The following NFASC variants were observed in gnomAD, a reference collection of about 807,000 sequenced individuals.
NFASC encodes neurofascin.
NFASC carries 43 observed loss-of-function variants against 147.5 expected under a neutral mutation model. The ratio of observed to expected loss-of-function variants is 0.29; its 90% confidence interval spans 0.23 to 0.38. The LOEUF (loss-of-function observed/expected upper bound fraction) is 0.38, where lower values mean the gene tolerates loss of function less well. Among genes scored for constraint, NFASC ranks in the 10% least tolerant of loss-of-function variants. NFASC has a pLI of 1.00. For missense variants in NFASC, 1,320 were observed against 1,689.0 expected, an observed-to-expected ratio of 0.78 and a Z score of 3.83; for synonymous variants, 622 against 665.5, an observed-to-expected ratio of 0.93 and a Z score of 1.01.
At chr1:204,924,622 G>A (rs571827039) in intron 2 of NFASC, among the ~76,000 whole-genome samples, 2 of 152,246 alleles carry the variant, frequency 1.3e-5, no homozygotes, top group South Asian at 4.1e-4. Flanking sequence ...GGCTGGCCTG[G>A]GATTTTATAG....
chr1:204,973,524 C>A, intron 12 of NFASC, 105 bp downstream of exon 12: 1 of 1,399,006 alleles, frequency 7.1e-7, no homozygotes, highest in Non-Finnish European at 9.7e-7. Context: ...CGGGGATTGG[C>A]CAAGCTGGGT....
intron 1 of NFASC, among the ~76,000 whole-genome samples, chr1:204,856,782 A>G (rs931302519): frequency 2.0e-5 from 3 of 152,298 alleles, no homozygotes; most frequent in South Asian, 2.1e-4. Flanking sequence ...GTAGCCTTTT[A>G]TAGCTGGCTT....
intron 2 of NFASC, among the ~76,000 whole-genome samples, chr1:204,939,038 A>ATGTATGTGTGTGTG (rs772779672): frequency 0.016 from 1,938 of 123,704 alleles, 77 homozygotes; most frequent in Non-Finnish European, 0.024. Flanking sequence ...GTATGGATGG[A>ATGTATGTGTGTGTG]TGTGTGTGTG....
At chr1:204,845,908 C>T (rs1248338105) in intron 1 of NFASC, among the ~76,000 whole-genome samples, 1 of 151,838 alleles carries the variant, frequency 6.6e-6, no homozygotes. Context: ...ACTCTTGCTC[C>T]CAATAAGCTC....
At chr1:204,965,913 A>G (rs1309145664) in intron 8 of NFASC, among the ~76,000 whole-genome samples, 1 of 152,210 alleles carries the variant, frequency 6.6e-6, no homozygotes, top group Non-Finnish European at 1.5e-5. Flanking sequence ...TGTTGACTTC[A>G]CTGAGCCTCA....
At position 204,935,877 on chromosome 1, in the gene NFASC, G is replaced by A. The variant is rs6593918; in HGVS notation, c.-90-8349G>A. On this transcript the variant is annotated intron_variant, in intron 2 of 29. Coordinates refer to ENST00000339876, the MANE Select transcript of NFASC (RefSeq NM_001005388.3). The stretch of plus-strand genomic sequence containing the variant: ...CAGGGTTTTTGAATATGGAACATTA[G>A]GCTGCTGCACAGGGTTTCCAGTTCT... Among the ~76,000 whole-genome samples the A allele has an allele frequency of 7.7e-3, 1,166 of 152,238 alleles. 13 individuals are homozygous for A. The highest frequency in any genetic ancestry group is 0.027 in the African/African-American group (1,104 of 41,530).
At chr1:204,899,592 C>T (rs1206037786) in intron 1 of NFASC, among the ~76,000 whole-genome samples, 1 of 152,200 alleles carries the variant, frequency 6.6e-6, no homozygotes, top group African/African-American at 2.4e-5. Flanking sequence ...ATCCTTCTGT[C>T]TCCCTGCCCT....
At chr1:204,901,353 C>G (rs969684478) in intron 1 of NFASC, among the ~76,000 whole-genome samples, 28 of 152,074 alleles carry the variant, frequency 1.8e-4, no homozygotes, top group Non-Finnish European at 2.5e-4. Flanking sequence ...ACCTTAGAAG[C>G]TGGGGAGAAG....
chr1:204,978,414 A>T (rs911482075), intron 17 of NFASC, among the ~76,000 whole-genome samples: 3 of 152,166 alleles, frequency 2.0e-5, no homozygotes, highest in Non-Finnish European at 4.4e-5. Context: ...TGAAATGCCT[A>T]AGCCAAGTCT....
In NFASC at chr1:205,020,723, G is replaced by C. The variant is rs1446637495; in HGVS notation, c.*4184G>C. On this transcript the variant is annotated 3_prime_UTR_variant, in exon 30 of 30. Transcript: ENST00000339876. ...CATTTTTGTCTGTCTTTGTGAGGCT[G>C]CTTTGCTAACTCTCTGAGGAGAGGA... 1 of 152,262 alleles carries C rather than the reference G, an allele frequency of 6.6e-6. No individual in the cohort carries two copies. Among genetic ancestry groups the C allele is most frequent in the East Asian group, 1.9e-4 (1 of 5,188 alleles). 9.4% of individuals were successfully genotyped at this position (152,262 alleles called of 1,614,324 possible).
chr1:204,886,849 G>C (rs567905088), intron 1 of NFASC, among the ~76,000 whole-genome samples: 1 of 152,074 alleles, frequency 6.6e-6, no homozygotes, highest in African/African-American at 2.4e-5. Context: ...CATGACTGTA[G>C]GTTCTTACCA....
At chr1:204,858,065 G>A (rs931141704) in intron 1 of NFASC, among the ~76,000 whole-genome samples, 10 of 151,588 alleles carry the variant, frequency 6.6e-5, no homozygotes, top group Admixed American at 3.9e-4. Context: ...GATTACAGGC[G>A]CCTGCCGTAA....
intron 17 of NFASC, among the ~76,000 whole-genome samples, chr1:204,978,261 A>C (rs182948186): frequency 6.6e-6 from 1 of 152,228 alleles, no homozygotes; most frequent in East Asian, 1.9e-4. Context: ...TACCCGTACC[A>C]CTCAGTAGCC....
At chr1:204,906,859 A>ATT (rs1160728605) in intron 1 of NFASC, among the ~76,000 whole-genome samples, 1 of 151,880 alleles carries the variant, frequency 6.6e-6, no homozygotes, top group African/African-American at 2.4e-5. Flanking sequence ...AATTTTTTGT[A>ATT]TTTTTAGTAG....
At chr1:204,992,192 C>T (rs1042018895) in intron 24 of NFASC, among the ~76,000 whole-genome samples, 2 of 152,168 alleles carry the variant, frequency 1.3e-5, no homozygotes, top group African/African-American at 4.8e-5. Flanking sequence ...GCCTGAATTA[C>T]ATCAGATGGG....
chr1:204,913,848 A>G (rs1209895066), intron 1 of NFASC, among the ~76,000 whole-genome samples: 1 of 151,666 alleles, frequency 6.6e-6, no homozygotes, highest in Non-Finnish European at 1.5e-5. Context: ...AGTCATGATC[A>G]TGCCACTGCA....
intron 1 of NFASC, among the ~76,000 whole-genome samples, chr1:204,861,953 A>C (rs1263445097): frequency 6.6e-6 from 1 of 152,204 alleles, no homozygotes; most frequent in Admixed American, 6.5e-5. Flanking sequence ...CAACATGGGG[A>C]TCTAGCATTA....
At chr1:204,907,808 C>G (rs1252856095) in intron 1 of NFASC, among the ~76,000 whole-genome samples, 10 of 152,196 alleles carry the variant, frequency 6.6e-5, no homozygotes, top group Non-Finnish European at 1.5e-4. Context: ...TAACACATCT[C>G]CTTTCTTGGA....
At chr1:204,887,256 TC>T (rs1333752638) in intron 1 of NFASC, among the ~76,000 whole-genome samples, 1 of 152,226 alleles carries the variant, frequency 6.6e-6, no homozygotes, top group Non-Finnish European at 1.5e-5. Context: ...ACAGTATTCG[TC>T]CTTTTGTGAG....
Sources: allele counts gnomAD v4.1 joint callset (sites outside exome capture counted in the v4.1 genomes callset), GRCh38; gene constraint gnomAD v4.1.1; transcripts MANE v1.5; gene names NCBI Gene and HGNC (gene_info 2026-07-23, HGNC 2026-07-21).